Variants in ADAMTS2 observed in about 807,000 individuals in gnomAD.
The protein encoded by ADAMTS2 is A disintegrin and metalloproteinase with thrombospondin motifs 2.
ADAMTS2 carries 50 observed loss-of-function variants against 123.0 expected under a neutral mutation model. That is an observed-to-expected ratio of 0.41 (90% CI 0.32 to 0.51). The LOEUF is 0.51. ADAMTS2 is among the 20% of genes least tolerant of loss of function. ADAMTS2 has a pLI of 0.35. For missense variants in ADAMTS2, 1,494 were observed against 1,705.2 expected (o/e 0.88, Z 2.18); for synonymous variants, 678 against 695.4 (o/e 0.98, Z 0.39).
At chr5:179,276,158 G>A (rs772076324) in intron 2 of ADAMTS2, among the ~76,000 whole-genome samples, 2 of 152,166 alleles carry the variant, frequency 1.3e-5, no homozygotes, top group Admixed American at 6.5e-5. Context: ...TGGAATGAGC[G>A]AACCGATGAC....
chr5:179,121,630 G>A, intron 21 of ADAMTS2, 31 bp downstream of exon 21: 1 of 1,569,608 alleles, frequency 6.4e-7, no homozygotes, highest in East Asian at 2.3e-5. Context: ...GCACTGGAGG[G>A]CAGAGGCAGA....
Position 179,260,747 on chromosome 5 carries a change from T to C in ADAMTS2, c.688+12164A>G, listed in dbSNP as rs892151567. On this transcript the variant is annotated intron_variant, in intron 3 of 21. Transcript: ENST00000251582. The surrounding 1 kb of genome is among the most constrained non-coding windows in gnomAD (Gnocchi z 4.2). ...AGCACCAACCCACCGTGGGGCTCATTACAAGAATCCTAGGAGATGATGTAC... is the reference window on the plus strand; with the variant it reads ...AGCACCAACCCACCGTGGGGCTCATCACAAGAATCCTAGGAGATGATGTAC... Among the ~76,000 whole-genome samples, 2 of 152,190 alleles carry C rather than the reference T, an allele frequency of 1.3e-5. No individual in the cohort carries two copies. Among genetic ancestry groups the C allele is most frequent in the African/African-American group, 4.8e-5 (2 of 41,436 alleles).
intron 3 of ADAMTS2, among the ~76,000 whole-genome samples, chr5:179,247,684 T>C (rs750852389): frequency 1.1e-4 from 17 of 152,142 alleles, no homozygotes; most frequent in Admixed American, 2.0e-4. Context: ...ACAACTGATT[T>C]GTCATCAGAA....
At chr5:179,330,132 C>CAAAA (rs58696442) in intron 2 of ADAMTS2, among the ~76,000 whole-genome samples, 1 of 96,874 alleles carries the variant, frequency 1.0e-5, no homozygotes. Context: ...GACTCCGTCT[C>CAAAA]AAAAAAAAAA....
chr5:179,135,843 G>A, intron 13 of ADAMTS2, 66 bp downstream of exon 13: 1 of 1,607,422 alleles, frequency 6.2e-7, no homozygotes, highest in Non-Finnish European at 8.5e-7. Flanking sequence ...CGAAAAGGGG[G>A]AGGTCAGTAC....
intron 2 of ADAMTS2, among the ~76,000 whole-genome samples, chr5:179,292,245 C>T (rs148499405): frequency 3.5e-3 from 534 of 151,722 alleles, no homozygotes; most frequent in Non-Finnish European, 5.6e-3. Context: ...ATACATGGGG[C>T]TGGGGAATGC....
intron 17 of ADAMTS2, among the ~76,000 whole-genome samples, chr5:179,126,891 G>A (rs1762870114): frequency 1.6e-5 from 2 of 121,268 alleles, no homozygotes; most frequent in African/African-American, 2.6e-5. Flanking sequence ...AGGCCCCAAG[G>A]TGGGACATGG....
In ADAMTS2 at chr5:179,317,531, C is replaced by A. The variant is rs80227607; in HGVS notation, c.534+26236G>T. ...AGCACGGACCCAGAGGCCATCCCAG[C>A]GACACTGTGTGGGGACTCCTGCACC... On this transcript the variant is annotated intron_variant, in intron 2 of 21. Transcript: ENST00000251582. The surrounding 1 kb of genome is among the most constrained non-coding windows in gnomAD (Gnocchi z 4.9). 3.9e-3 allele frequency among the ~76,000 whole-genome samples: 593 copies of A among 152,282 alleles called. 2 individuals carry two copies. The highest frequency in any genetic ancestry group is 6.7e-3 in the Non-Finnish European group (458 of 68,016).
At chr5:179,212,931 T>C (rs2113387594) in intron 3 of ADAMTS2, among the ~76,000 whole-genome samples, 1 of 152,238 alleles carries the variant, frequency 6.6e-6, no homozygotes, top group East Asian at 1.9e-4. Context: ...CCCTTTTTGC[T>C]GCTGCCGCTG....
chr5:179,231,603 C>T (rs965785063), intron 3 of ADAMTS2, among the ~76,000 whole-genome samples: 2 of 152,150 alleles, frequency 1.3e-5, no homozygotes, highest in African/African-American at 4.8e-5. Context: ...GATGAGAATT[C>T]TGATAATAGG....
chr5:179,321,150 CTT>C (rs1219460428), intron 2 of ADAMTS2, among the ~76,000 whole-genome samples: 1 of 152,142 alleles, frequency 6.6e-6, no homozygotes, highest in Non-Finnish European at 1.5e-5. Context: ...TACACTCTCT[CTT>C]CTATAGCTTC....
intron 3 of ADAMTS2, among the ~76,000 whole-genome samples, chr5:179,269,901 C>T (rs899096984): frequency 7.9e-5 from 12 of 152,268 alleles, no homozygotes; most frequent in Non-Finnish European, 1.0e-4. Context: ...CCTCAGAGCT[C>T]GGCCTCCGGT....
At chr5:179,289,054 G>A (rs2113540567) in intron 2 of ADAMTS2, among the ~76,000 whole-genome samples, 1 of 152,270 alleles carries the variant, frequency 6.6e-6, no homozygotes, top group East Asian at 1.9e-4. Flanking sequence ...TGCATACCAG[G>A]CCTTCCCCGA....
chr5:179,133,639 A>T (rs1313997201), intron 13 of ADAMTS2, among the ~76,000 whole-genome samples: 2 of 152,134 alleles, frequency 1.3e-5, no homozygotes, highest in Non-Finnish European at 2.9e-5. Flanking sequence ...TAGGTTCTGC[A>T]TGAATATTTA....
In ADAMTS2 at chr5:179,255,923, T is replaced by C. The variant is rs569235220; in HGVS notation, c.688+16988A>G. Among the ~76,000 whole-genome samples, 14 of 152,242 alleles carry C rather than the reference T, an allele frequency of 9.2e-5. No homozygotes were observed. In the South Asian group the frequency reaches 2.9e-3, roughly 32 times the overall value. ...ACCCTACTGGACCCCTTTGCACAGATGCTGCTGGGCCTAGGAACTGGCTGC... is the reference window on the plus strand; with the variant it reads ...ACCCTACTGGACCCCTTTGCACAGACGCTGCTGGGCCTAGGAACTGGCTGC... On this transcript the variant is annotated intron_variant, in intron 3 of 21. Coordinates refer to ENST00000251582, the MANE Select transcript of ADAMTS2 (RefSeq NM_014244.5).
rs1245192814 is a variant in ADAMTS2 at position 179,133,086 on chromosome 5, G to C, written c.2086-186C>G. ...ATCTTTTATTATCTCCAAAATCAGA[G>C]TGCGTCTAGTCATCAGTTAAACGGA... On this transcript the variant is annotated intron_variant, in intron 13 of 21. Transcript: ENST00000251582. 3.3e-5 allele frequency among the ~76,000 whole-genome samples: 5 copies of C among 151,786 alleles called. No homozygotes were observed. In the South Asian group the frequency reaches 8.3e-4, roughly 25 times the overall value.
At position 179,207,637 on chromosome 5, in the gene ADAMTS2, C is replaced by T. The variant is rs1764733855; in HGVS notation, c.767G>A (p.Arg256Lys). Residue 256 changes from arginine to lysine, a missense_variant, in exon 4 of 22, where the codon AGG becomes AAG. By Grantham distance (26) the Arg-to-Lys change is conservative. This residue lies in a region of ADAMTS2 where 184 missense variants were observed against 152.1 expected (regional missense o/e 1.21). Coordinates refer to ENST00000251582, the MANE Select transcript of ADAMTS2 (RefSeq NM_014244.5). ...LEEHANSSRRRARRHAADDDY... is the reference protein window; with the variant it reads ...LEEHANSSRRKARRHAADDDY... ...ATCGTCCGCAGCATGCCTGCGTGCC[C>T]TCCGCCTCGAGCTGTTGGCGTGCTC... is the stretch of plus-strand genomic sequence containing the variant. 1 of 1,613,782 alleles carries T rather than the reference C, an allele frequency of 6.2e-7. No homozygotes were observed. Among genetic ancestry groups the T allele is most frequent in the Non-Finnish European group, 8.5e-7 (1 of 1,180,014 alleles).
chr5:179,274,703 G>GC (rs1766647936), intron 2 of ADAMTS2, among the ~76,000 whole-genome samples: 1 of 152,218 alleles, frequency 6.6e-6, no homozygotes, highest in Non-Finnish European at 1.5e-5. Flanking sequence ...TGCAGTCAGT[G>GC]CCCCCCAGGG....
chr5:179,329,550 G>A (rs1436793692), intron 2 of ADAMTS2, among the ~76,000 whole-genome samples: 1 of 152,062 alleles, frequency 6.6e-6, no homozygotes, highest in Non-Finnish European at 1.5e-5. Context: ...TGAATTAAAG[G>A]AGTTATATAT....
Sources: allele counts gnomAD v4.1 joint callset (sites outside exome capture counted in the v4.1 genomes callset), GRCh38; gene constraint gnomAD v4.1.1; regional missense constraint gnomAD v4.1.1; non-coding constraint Gnocchi (gnomAD v3.1); transcripts MANE v1.5; gene names NCBI Gene and HGNC (gene_info 2026-07-23, HGNC 2026-07-21).